The following ZNF277 variants were observed in gnomAD, a reference collection of about 807,000 sequenced individuals.
ZNF277 encodes the protein nuclear receptor-interacting factor 4.
In ZNF277, 55 loss-of-function variants were observed where a neutral mutation model predicts 60.7. The observed-to-expected ratio is 0.91, with a 90% CI of 0.73 to 1.13. The LOEUF is 1.13. ZNF277 is among the 50% of genes most tolerant of loss of function. ZNF277 has a pLI of 0.00. For missense variants in ZNF277, 510 were observed against 523.0 expected, an observed-to-expected ratio of 0.98 and a Z score of 0.24; for synonymous variants, 178 against 179.3, an observed-to-expected ratio of 0.99 and a Z score of 0.06.
At chr7:112,259,200 AAATAT>A (rs1378725820) in intron 1 of ZNF277, among the ~76,000 whole-genome samples, 4 of 152,170 alleles carry the variant, frequency 2.6e-5, no homozygotes, top group Admixed American at 6.5e-5. Context: ...CATTACCCCC[AAATAT>A]AATAAAATAA....
Position 112,302,949 on chromosome 7 carries a change from C to CTTTTTTT in ZNF277, c.465+6649_465+6655dup, listed in dbSNP as rs34593342. 7.6e-4 allele frequency among the ~76,000 whole-genome samples: 101 copies of CTTTTTTT among 132,860 alleles called. 1 individual carries two copies. The highest frequency in any genetic ancestry group is 2.7e-3 in the African/African-American group (94 of 34,618). 87.2% of individuals were successfully genotyped at this position (132,860 alleles called of 152,430 possible). A position where few individuals can be genotyped will look rare whatever the true frequency, so the allele number is the denominator to read the frequency against. On this transcript the variant is annotated intron_variant, in intron 4 of 11. Coordinates refer to ENST00000361822, the MANE Select transcript of ZNF277 (RefSeq NM_021994.3). The stretch of plus-strand genomic sequence containing the variant: ...GATCTTTCTTTCTGAGCAAATAGGC[C>CTTTTTTT]TTTTTTTTTTTTTTTTTGAGACAGA...
intron 1 of ZNF277, among the ~76,000 whole-genome samples, chr7:112,285,173 G>A (rs770722114): frequency 1.3e-5 from 2 of 151,904 alleles, no homozygotes; most frequent in Non-Finnish European, 2.9e-5. Context: ...AGGACTACAG[G>A]TGTGCACCAC....
chr7:112,297,733 C>T (rs556418382), intron 4 of ZNF277, among the ~76,000 whole-genome samples: 5 of 152,126 alleles, frequency 3.3e-5, no homozygotes, highest in African/African-American at 1.2e-4. Context: ...ATGTTATTTG[C>T]GTGCACTTAT....
chr7:112,243,715 A>G (rs1448985609), intron 1 of ZNF277, among the ~76,000 whole-genome samples: 1 of 151,964 alleles, frequency 6.6e-6, no homozygotes, highest in Admixed American at 6.6e-5. Context: ...GGGAATGTAA[A>G]CTAGTACAAC....
chr7:112,327,491 A>C (rs1036891362), intron 5 of ZNF277, among the ~76,000 whole-genome samples: 1 of 152,214 alleles, frequency 6.6e-6, no homozygotes, highest in Admixed American at 6.5e-5. Context: ...AGTGTAGCCA[A>C]GCAGCAGATA....
At chr7:112,319,193 C>T (rs1792918020) in intron 5 of ZNF277, among the ~76,000 whole-genome samples, 1 of 152,014 alleles carries the variant, frequency 6.6e-6, no homozygotes, top group African/African-American at 2.4e-5. Context: ...GCAGCCCCCT[C>T]CCCTCTCTGG....
At chr7:112,230,696 A>G (rs963632702) in intron 1 of ZNF277, among the ~76,000 whole-genome samples, 1 of 152,198 alleles carries the variant, frequency 6.6e-6, no homozygotes, top group African/African-American at 2.4e-5. Flanking sequence ...TTTCAGAGTC[A>G]TGCTTTTCTT....
intron 1 of ZNF277, among the ~76,000 whole-genome samples, chr7:112,215,219 T>C (rs1025758684): frequency 6.6e-5 from 10 of 152,228 alleles, no homozygotes; most frequent in Non-Finnish European, 1.3e-4. Context: ...CTGCTGCTGC[T>C]GCTACTGCTA....
rs970604870 is a variant in ZNF277 at position 112,301,947 on chromosome 7, G to C, written c.465+5636G>C. Among the ~76,000 whole-genome samples the C allele has an allele frequency of 3.3e-5, 5 of 152,124 alleles. No individual in the cohort carries two copies. The South Asian group carries it at 1.0e-3, about 32-fold the overall frequency. On this transcript the variant is annotated intron_variant, in intron 4 of 11. Coordinates refer to ENST00000361822, the MANE Select transcript of ZNF277 (RefSeq NM_021994.3). ...ACAAGGATACAATATAGCTGAGGCAGACATCTATAATCACTGCATTACACT... is the reference window on the plus strand; with the variant it reads ...ACAAGGATACAATATAGCTGAGGCACACATCTATAATCACTGCATTACACT...
chr7:112,235,275 G>T (rs1299847400), intron 1 of ZNF277, among the ~76,000 whole-genome samples: 1 of 151,990 alleles, frequency 6.6e-6, no homozygotes, highest in Non-Finnish European at 1.5e-5. Flanking sequence ...CACTTCTCTT[G>T]GATATATACC....
At chr7:112,238,239 C>A (rs1790853943) in intron 1 of ZNF277, among the ~76,000 whole-genome samples, 1 of 152,192 alleles carries the variant, frequency 6.6e-6, no homozygotes, top group African/African-American at 2.4e-5. Context: ...GCAGAGAGTG[C>A]TTAGGGGAGG....
intron 1 of ZNF277, among the ~76,000 whole-genome samples, chr7:112,250,846 C>T (rs570463767): frequency 6.6e-6 from 1 of 152,246 alleles, no homozygotes; most frequent in Admixed American, 6.5e-5. Flanking sequence ...ATGAGTGTCC[C>T]TCTCACCAAT....
In ZNF277 at chr7:112,340,943, G is replaced by C; in HGVS notation, c.1081G>C (p.Gly361Arg). Residue 361 changes from glycine to arginine, a missense_variant, in exon 11 of 12, where the codon GGC becomes CGC. Physicochemically the swap from Gly to Arg is moderately radical, Grantham distance 125 (BLOSUM62 -2). Transcript: ENST00000361822. ...RRQVHQCRCY[G>R]CHVKFKSKAD... ...GCAAGTTCACCAATGCAGATGTTAT[G>C]GCTGCCATGTGAAGTTCAAATCCAA... 1 of 1,612,864 alleles carries C rather than the reference G, an allele frequency of 6.2e-7. No individual in the cohort carries two copies. The highest frequency in any genetic ancestry group is 8.5e-7 in the Non-Finnish European group (1 of 1,179,592).
intron 1 of ZNF277, among the ~76,000 whole-genome samples, chr7:112,274,192 C>G (rs145999506): frequency 6.6e-6 from 1 of 152,114 alleles, no homozygotes; most frequent in East Asian, 1.9e-4. Flanking sequence ...GGGTTTTGCT[C>G]TGTCACCCAG....
intron 4 of ZNF277, among the ~76,000 whole-genome samples, chr7:112,296,861 T>G (rs1292618244): frequency 4.1e-5 from 6 of 145,738 alleles, no homozygotes; most frequent in Admixed American, 6.8e-5. Context: ...ATGAAAATTT[T>G]TATTTTATTT....
At chr7:112,275,876 G>A (rs1791780146) in intron 1 of ZNF277, among the ~76,000 whole-genome samples, 1 of 152,274 alleles carries the variant, frequency 6.6e-6, no homozygotes. Context: ...CTTGAGAAAG[G>A]AAGTTTAACC....
intron 4 of ZNF277, among the ~76,000 whole-genome samples, chr7:112,306,130 GA>G (rs1311227227): frequency 6.6e-6 from 1 of 151,472 alleles, no homozygotes; most frequent in Non-Finnish European, 1.5e-5. Flanking sequence ...ATTAATGGCT[GA>G]AAACTTTAAT....
At chr7:112,314,065 A>G (rs1181821987) in intron 4 of ZNF277, among the ~76,000 whole-genome samples, 4 of 152,118 alleles carry the variant, frequency 2.6e-5, no homozygotes, top group African/African-American at 9.7e-5. Flanking sequence ...GAATGCTATA[A>G]AACTATGGTA....
At chr7:112,239,680 T>C (rs990151445) in intron 1 of ZNF277, among the ~76,000 whole-genome samples, 1 of 152,220 alleles carries the variant, frequency 6.6e-6, no homozygotes, top group Non-Finnish European at 1.5e-5. Flanking sequence ...TAAAGGGAGT[T>C]ATTCAGTCTG....
Sources: gnomAD v4.1 joint callset for allele counts (sites outside exome capture counted in the v4.1 genomes callset) on GRCh38, gnomAD v4.1.1 for gene constraint, MANE v1.5 for transcripts, NCBI Gene and HGNC (gene_info 2026-07-23, HGNC 2026-07-21) for gene names.